The following L3MBTL2 variants were observed in gnomAD, a reference collection of about 807,000 sequenced individuals.
L3MBTL2 encodes the protein lethal(3)malignant brain tumor-like protein 2.
In L3MBTL2, 49 loss-of-function variants were observed where a neutral mutation model predicts 86.4. The observed-to-expected ratio is 0.57, with a 90% CI of 0.45 to 0.72. The LOEUF (loss-of-function observed/expected upper bound fraction) is 0.72, where lower values mean the gene tolerates loss of function less well. Ranked by LOEUF, L3MBTL2 falls within the 30% of genes least tolerant of loss-of-function variation. L3MBTL2 has a pLI of 0.00. For synonymous variants in L3MBTL2, 336 were observed against 350.6 expected (o/e 0.96, Z 0.47); for missense variants, 755 against 923.7 (o/e 0.82, Z 2.37).
intron 2 of L3MBTL2, 79 bp from the exon 3 acceptor site, chr22:41,213,814 C>G: frequency 6.5e-7 from 1 of 1,535,724 alleles, no homozygotes; most frequent in Non-Finnish European, 9.0e-7. Context: ...TGCAGTGCCC[C>G]AGGTTTTGAA....
chr22:41,220,568 T>C (rs972785894), intron 6 of L3MBTL2, among the ~76,000 whole-genome samples, 166 bp from the exon 7 acceptor site: 5 of 151,016 alleles, frequency 3.3e-5, no homozygotes, highest in Admixed American at 3.3e-4. Context: ...CAGGCGCCTG[T>C]AGTTCCAGCT....
chr22:41,224,295 C>T lies in L3MBTL2; in HGVS notation c.1174+44C>T, dbSNP rs779333273. 2.0e-6 allele frequency: 3 copies of T among 1,520,282 alleles called. No homozygotes were observed. In the South Asian group the frequency reaches 3.5e-5, roughly 18 times the overall value. 94.2% of individuals were successfully genotyped at this position (1,520,282 alleles called of 1,614,324 possible). A position where few individuals can be genotyped will look rare whatever the true frequency, so the allele number is the denominator to read the frequency against. ...CAGAGGGACTGCATGCTGTGCTTCC[C>T]CAGGGACGGAGTGGGAGCACCTTCC... On this transcript the variant is annotated intron_variant, in intron 9 of 16. Transcript: ENST00000216237. The surrounding 1 kb of genome is among the most constrained non-coding windows in gnomAD (Gnocchi z 4.9).
rs2031640224 is a variant in L3MBTL2, at chr22:41,219,319, T to C, written c.601-100T>C. 4 of 820,406 alleles carry C rather than the reference T, an allele frequency of 4.9e-6. No individual in the cohort carries two copies. The Admixed American group carries it at 5.3e-5, about 11-fold the overall frequency. 50.8% of individuals were successfully genotyped at this position (820,406 alleles called of 1,614,324 possible). A position where few individuals can be genotyped will look rare whatever the true frequency, so the allele number is the denominator to read the frequency against. ...TGCACACAGTGGGTGATGTGAAAAGTTGAGGTGCAAACGAGGACTTGACTG... is the reference window on the plus strand; with the variant it reads ...TGCACACAGTGGGTGATGTGAAAAGCTGAGGTGCAAACGAGGACTTGACTG... On this transcript the variant is annotated intron_variant, in intron 5 of 16. Transcript: ENST00000216237.
Position 41,224,883 on chromosome 22 carries a change from C to A in L3MBTL2, c.1251+82C>A. On this transcript the variant is annotated intron_variant, in intron 10 of 16. Coordinates refer to ENST00000216237, the MANE Select transcript of L3MBTL2 (RefSeq NM_031488.5). The surrounding 1 kb of genome is among the most constrained non-coding windows in gnomAD (Gnocchi z 4.9). Reference sequence around the variant, plus strand: ...AGGGACCTGGCTCTTCCCCTGGGACCATCCCTTTCCCTCCTGAGGCCTGCT... The same window carrying A: ...AGGGACCTGGCTCTTCCCCTGGGACAATCCCTTTCCCTCCTGAGGCCTGCT... 6.4e-7 allele frequency: 1 copy of A among 1,554,826 alleles called. No homozygotes were observed.
chr22:41,222,703 T>C (rs1260798207), intron 8 of L3MBTL2, among the ~76,000 whole-genome samples: 1 of 151,954 alleles, frequency 6.6e-6, no homozygotes, highest in Non-Finnish European at 1.5e-5. Context: ...GAAGATCACC[T>C]GAGGGCAGGA....
chr22:41,216,069 C>T (rs928714805), intron 3 of L3MBTL2, 70 bp from the exon 4 acceptor site: 4 of 1,523,548 alleles, frequency 2.6e-6, no homozygotes, highest in Non-Finnish European at 3.5e-6. Flanking sequence ...AGGACTTCAA[C>T]TTGGCGGCCC....
chr22:41,213,541 C>G, intron 2 of L3MBTL2: 1 of 163,406 alleles, frequency 6.1e-6, no homozygotes, highest in Non-Finnish European at 1.3e-5. Context: ...ATCCTCCCTC[C>G]TTGGCCTCCC....
chr22:41,230,006 A>G, intron 16 of L3MBTL2, 133 bp from the exon 17 acceptor site: 1 of 723,784 alleles, frequency 1.4e-6, no homozygotes, highest in African/African-American at 1.8e-5. Flanking sequence ...CCCTCCCAGA[A>G]GGGAAGCTGG....
chr22:41,209,684 ATCC>A lies in L3MBTL2; in HGVS notation c.25-8_25-6del. 6.2e-7 allele frequency: 1 copy of A among 1,611,186 alleles called. No individual in the cohort carries two copies. The highest frequency in any genetic ancestry group is 1.1e-5 in the South Asian group (1 of 90,932). On this transcript the variant is annotated splice_polypyrimidine_tract_variant and intron_variant, in intron 1 of 16. Coordinates refer to ENST00000216237, the MANE Select transcript of L3MBTL2 (RefSeq NM_031488.5). The stretch of plus-strand genomic sequence containing the variant: ...TAATTCTTTCTACCTGGTTTGTGTC[ATCC>A]TCCATTAGGAGACCCCATCTTCAGA...
At position 41,209,812 on chromosome 22, in the gene L3MBTL2, T is replaced by C. The variant is rs2030567197; in HGVS notation, c.141T>C (p.Tyr47=). The change falls in exon 2 of 17, where the codon TAT becomes TAC. Residue 47 remains tyrosine (Y), a synonymous_variant. Coordinates refer to ENST00000216237, the MANE Select transcript of L3MBTL2 (RefSeq NM_031488.5). ...NSSVGSESSS[Y]LEESSEAENE... ...GTGTGGGCAGTGAGAGCAGCTCCTA[T>C]CTGGAGGAGTCAAGTGAAGCAGAAA... 1.2e-6 allele frequency: 2 copies of C among 1,614,056 alleles called. No individual in the cohort carries two copies. The highest frequency in any genetic ancestry group is 8.5e-7 in the Non-Finnish European group (1 of 1,180,052).
At chr22:41,209,639 C>A in intron 1 of L3MBTL2, 57 bp from the exon 2 acceptor site, 1 of 1,498,950 alleles carries the variant, frequency 6.7e-7, no homozygotes. Flanking sequence ...GCTTCTCCCC[C>A]CGTGCACTAA....
Position 41,230,315 on chromosome 22 carries a change from C to T in L3MBTL2, c.*64C>T, listed in dbSNP as rs1237021020. ...GCCCAGCGTTTCTCTACCACCACCACCATGCCTCCACCTGACTTTGGCTTG... is the reference window on the plus strand; with the variant it reads ...GCCCAGCGTTTCTCTACCACCACCATCATGCCTCCACCTGACTTTGGCTTG... On this transcript the variant is annotated 3_prime_UTR_variant, in exon 17 of 17. Coordinates refer to ENST00000216237, the MANE Select transcript of L3MBTL2 (RefSeq NM_031488.5). 2 of 1,172,236 alleles carry T rather than the reference C, an allele frequency of 1.7e-6. No homozygotes were observed. Among genetic ancestry groups the T allele is most frequent in the African/African-American group, 1.5e-5 (1 of 66,562 alleles). 72.6% of individuals were successfully genotyped at this position (1,172,236 alleles called of 1,614,324 possible). A position where few individuals can be genotyped will look rare whatever the true frequency, so the allele number is the denominator to read the frequency against.
intron 15 of L3MBTL2, among the ~76,000 whole-genome samples, chr22:41,228,851 C>CACAA (rs750766092): frequency 4.1e-5 from 4 of 97,328 alleles, no homozygotes; most frequent in South Asian, 3.2e-4. Flanking sequence ...CTCCATCGCA[C>CACAA]AAAAAAAAAA....
At chr22:41,221,331 C>T in intron 8 of L3MBTL2, 44 bp downstream of exon 8, 1 of 1,470,984 alleles carries the variant, frequency 6.8e-7, no homozygotes, top group Non-Finnish European at 9.3e-7. Context: ...TCCGCTCTTC[C>T]ATTTTTCTGC....
At chr22:41,209,617 A>C in intron 1 of L3MBTL2, 79 bp from the exon 2 acceptor site, 1 of 1,241,730 alleles carries the variant, frequency 8.1e-7, no homozygotes, top group African/African-American at 1.5e-5. Flanking sequence ...GGGGGCTGAT[A>C]GCAGATCTGC....
At chr22:41,221,765 A>C (rs1426097330) in intron 8 of L3MBTL2, among the ~76,000 whole-genome samples, 1 of 149,760 alleles carries the variant, frequency 6.7e-6, no homozygotes, top group African/African-American at 2.5e-5. Flanking sequence ...CACCACGCCC[A>C]GCTCATTTTT....
At chr22:41,229,364 G>A in intron 15 of L3MBTL2, 176 bp from the exon 16 acceptor site, 1 of 644,640 alleles carries the variant, frequency 1.6e-6, no homozygotes. Context: ...GAGAGAATCT[G>A]AGCTCAGGGC....
chr22:41,230,076 T>TCCCCCCCC, intron 16 of L3MBTL2, 63 bp from the exon 17 acceptor site: 10 of 912,380 alleles, frequency 1.1e-5, no homozygotes, highest in South Asian at 1.6e-5. Flanking sequence ...TCCCAGCTCC[T>TCCCCCCCC]CCGCCCCCAC....
At chr22:41,229,998 C>T in intron 16 of L3MBTL2, 141 bp from the exon 17 acceptor site, 2 of 707,904 alleles carry the variant, frequency 2.8e-6, no homozygotes, top group Non-Finnish European at 4.8e-6. Context: ...TGCCACTGCC[C>T]TCCCAGAAGG....
Sources: allele counts gnomAD v4.1 joint callset (sites outside exome capture counted in the v4.1 genomes callset), GRCh38; gene constraint gnomAD v4.1.1; non-coding constraint Gnocchi (gnomAD v3.1); transcripts MANE v1.5; gene names NCBI Gene and HGNC (gene_info 2026-07-23, HGNC 2026-07-21).